Variants in CEP57L1 observed in about 807,000 individuals in gnomAD.
CEP57L1 encodes the protein centrosomal protein CEP57L1.
CEP57L1 carries 37 observed loss-of-function variants against 61.0 expected under a neutral mutation model. That is an observed-to-expected ratio of 0.61 (90% confidence interval 0.47 to 0.80). The LOEUF is 0.80. Ranked by LOEUF, CEP57L1 falls within the 30% of genes least tolerant of loss-of-function variation. The pLI, the probability that CEP57L1 is intolerant of heterozygous loss-of-function variation, is 0.00. For synonymous variants in CEP57L1, 137 were observed against 162.3 expected (o/e 0.84, Z 1.19); for missense variants, 422 against 524.7 (o/e 0.80, Z 1.91).
intron 1 of CEP57L1, among the ~76,000 whole-genome samples, chr6:109,129,803 T>C (rs1179358527): frequency 6.6e-6 from 1 of 151,130 alleles, no homozygotes; most frequent in East Asian, 1.9e-4. Flanking sequence ...GTTTATATCT[T>C]TCTTTAAAAT....
intron 3 of CEP57L1, among the ~76,000 whole-genome samples, 156 bp from the exon 4 acceptor site, chr6:109,149,962 T>G (rs1772413143): frequency 6.6e-6 from 1 of 152,278 alleles, no homozygotes. Flanking sequence ...TTTTTGTACA[T>G]TGATTTTGTA....
In CEP57L1 at chr6:109,169,385, G is replaced by T. The variant is rs1774303003; in HGVS notation, c.*6415G>T. On this transcript the variant is annotated 3_prime_UTR_variant, in exon 11 of 11. Coordinates refer to ENST00000517392, the MANE Select transcript of CEP57L1 (RefSeq NM_001271852.3). The stretch of plus-strand genomic sequence containing the variant: ...CTTTTAATAAGTATTCAGTGAGAAT[G>T]AATTTGAAGGGTGTGGAGAAAAGTG... Among the ~76,000 whole-genome samples, 1 of 152,150 alleles carries T rather than the reference G, an allele frequency of 6.6e-6. No individual in the cohort carries two copies. The highest frequency in any genetic ancestry group is 1.5e-5 in the Non-Finnish European group (1 of 68,020).
intron 1 of CEP57L1, among the ~76,000 whole-genome samples, chr6:109,096,882 T>G (rs1781764434): frequency 6.6e-6 from 1 of 152,212 alleles, no homozygotes; most frequent in Non-Finnish European, 1.5e-5. Flanking sequence ...TAGTTAAATA[T>G]GATCTCATGT....
intron 1 of CEP57L1, among the ~76,000 whole-genome samples, chr6:109,097,546 A>C (rs574943020): frequency 3.4e-4 from 52 of 152,312 alleles, no homozygotes; most frequent in African/African-American, 1.3e-3. Context: ...GCGTTTACTC[A>C]ACAAATCTCT....
chr6:109,122,391 TTTG>T lies in CEP57L1; in HGVS notation c.-3-22822_-3-22820del, dbSNP rs1773076343. The stretch of plus-strand genomic sequence containing the variant: ...TTGTTTATATTGCATTTGTACCCCT[TTTG>T]TTGTTCTGGCTTTACATGGGAGGCT... On this transcript the variant is annotated intron_variant, in intron 1 of 10. Coordinates refer to ENST00000517392, the MANE Select transcript of CEP57L1 (RefSeq NM_001271852.3). 2.0e-5 allele frequency among the ~76,000 whole-genome samples: 3 copies of T among 152,176 alleles called. No individual in the cohort carries two copies. In the South Asian group the frequency reaches 6.2e-4, roughly 31 times the overall value.
At chr6:109,120,957 C>CACAG (rs1332576863) in intron 1 of CEP57L1, among the ~76,000 whole-genome samples, 1,443 of 141,038 alleles carry the variant, frequency 0.01, 16 homozygotes, top group African/African-American at 0.019. Context: ...CACACACACA[C>CACAG]AGTCACTCAC....
In CEP57L1 at chr6:109,164,394, G is replaced by A. The variant is rs1390376563; in HGVS notation, c.*1424G>A. Among the ~76,000 whole-genome samples, 1 of 152,132 alleles carries A rather than the reference G, an allele frequency of 6.6e-6. No homozygotes were observed. The highest frequency in any genetic ancestry group is 1.5e-5 in the Non-Finnish European group (1 of 68,030). ...AGTGACTGAAGATGGGCACATTGAT[G>A]CTTGAAATTGTCCTTGAAAGTAGTT... On this transcript the variant is annotated 3_prime_UTR_variant, in exon 11 of 11. Coordinates refer to ENST00000517392, the MANE Select transcript of CEP57L1 (RefSeq NM_001271852.3).
At chr6:109,154,927 G>A (rs545565836) in intron 5 of CEP57L1, among the ~76,000 whole-genome samples, 1 of 151,828 alleles carries the variant, frequency 6.6e-6, no homozygotes, top group Non-Finnish European at 1.5e-5. Flanking sequence ...TACACCTTTA[G>A]TACCCTTAAA....
chr6:109,127,779 C>A (rs1389837683), intron 1 of CEP57L1, among the ~76,000 whole-genome samples: 1 of 151,680 alleles, frequency 6.6e-6, no homozygotes, highest in African/African-American at 2.4e-5. Context: ...TGCCACCACG[C>A]CTGGCTAATT....
In CEP57L1 at chr6:109,170,384, C is replaced by G. The variant is rs577396758; in HGVS notation, c.*7414C>G. Among the ~76,000 whole-genome samples, 14 of 152,154 alleles carry G rather than the reference C, an allele frequency of 9.2e-5. No homozygotes were observed. The highest frequency in any genetic ancestry group is 3.4e-3 in the Middle Eastern group (1 of 294). ...AAATTTTAGGATAGGTTCTAAAAAA[C>G]CTTGAGAGGCATTTTGTTGTTGTTG... On this transcript the variant is annotated 3_prime_UTR_variant, in exon 11 of 11. Coordinates refer to ENST00000517392, the MANE Select transcript of CEP57L1 (RefSeq NM_001271852.3).
At chr6:109,147,272 A>G (rs1344954687) in intron 3 of CEP57L1, among the ~76,000 whole-genome samples, 1 of 152,064 alleles carries the variant, frequency 6.6e-6, no homozygotes, top group Non-Finnish European at 1.5e-5. Flanking sequence ...TATTTTATTT[A>G]TTTGTATTTG....
intron 1 of CEP57L1, among the ~76,000 whole-genome samples, chr6:109,133,859 C>G (rs775204899): frequency 3.3e-5 from 5 of 152,022 alleles, no homozygotes; most frequent in African/African-American, 4.8e-5. Flanking sequence ...AAGACCAAAC[C>G]AGGAAGAAGT....
At chr6:109,110,374 T>A (rs978453354) in intron 1 of CEP57L1, among the ~76,000 whole-genome samples, 1 of 152,246 alleles carries the variant, frequency 6.6e-6, no homozygotes, top group African/African-American at 2.4e-5. Context: ...CTTCACCCAC[T>A]TTTTGACATG....
At chr6:109,155,754 C>A in intron 6 of CEP57L1, 37 bp from the exon 7 acceptor site, 1 of 1,072,910 alleles carries the variant, frequency 9.3e-7, no homozygotes, top group Non-Finnish European at 1.4e-6. Flanking sequence ...TTGCATGTTA[C>A]AAATCAATGT....
chr6:109,149,431 A>G (rs1772334125), intron 3 of CEP57L1, among the ~76,000 whole-genome samples: 1 of 152,070 alleles, frequency 6.6e-6, no homozygotes, highest in South Asian at 2.1e-4. Flanking sequence ...ATGGTTGTAG[A>G]TATGCGGCAT....
intron 1 of CEP57L1, among the ~76,000 whole-genome samples, chr6:109,116,966 G>T (rs1235564751): frequency 6.6e-6 from 1 of 152,094 alleles, no homozygotes; most frequent in African/African-American, 2.4e-5. Flanking sequence ...TACAAGCATG[G>T]TACAGTCCTA....
intron 1 of CEP57L1, among the ~76,000 whole-genome samples, chr6:109,125,784 C>T (rs888829290): frequency 1.3e-5 from 2 of 151,578 alleles, no homozygotes. Context: ...GGATAGTATA[C>T]TTTTATCCTT....
In CEP57L1 at chr6:109,166,999, C is replaced by T. The variant is rs1161067220; in HGVS notation, c.*4029C>T. ...GACAACCTTCACTAAGGCATAATAG[C>T]AACTGTGAGATTTTTAAAAAACTAT... On this transcript the variant is annotated 3_prime_UTR_variant, in exon 11 of 11. Transcript: ENST00000517392. Among the ~76,000 whole-genome samples the T allele has an allele frequency of 6.6e-6, 1 of 152,100 alleles. No homozygotes were observed. Among genetic ancestry groups the T allele is most frequent in the Non-Finnish European group, 1.5e-5 (1 of 68,008 alleles).
At chr6:109,132,039 A>G (rs1246352115) in intron 1 of CEP57L1, among the ~76,000 whole-genome samples, 1 of 152,198 alleles carries the variant, frequency 6.6e-6, no homozygotes, top group Non-Finnish European at 1.5e-5. Flanking sequence ...GGAGTACACA[A>G]AAAGAATCTT....
Sources: gnomAD v4.1 joint callset for allele counts (sites outside exome capture counted in the v4.1 genomes callset) on GRCh38, gnomAD v4.1.1 for gene constraint, MANE v1.5 for transcripts, NCBI Gene and HGNC (gene_info 2026-07-23, HGNC 2026-07-21) for gene names.